Variants in GPSM2 observed in about 807,000 individuals in gnomAD.
GPSM2 encodes the protein G protein-signaling modulator 2.
Under a neutral mutation model 78.4 loss-of-function variants are expected in GPSM2, and 58 were observed. The ratio of observed to expected loss-of-function variants is 0.74; its 90% confidence interval spans 0.60 to 0.92. The LOEUF is 0.92. Ranked by LOEUF, GPSM2 falls within the 40% of genes least tolerant of loss-of-function variation. The pLI, the probability that GPSM2 is intolerant of heterozygous loss-of-function variation, is 0.00. For missense variants in GPSM2, 700 were observed against 815.5 expected (o/e 0.86, Z 1.73); for synonymous variants, 224 against 280.2 (o/e 0.80, Z 2.00).
rs369570814 is a variant in GPSM2, at chr1:108,929,974, C to T, written c.*34C>T. The T allele has an allele frequency of 1.1e-5, 18 of 1,586,466 alleles. No individual in the cohort carries two copies. Among genetic ancestry groups the T allele is most frequent in the African/African-American group, 5.4e-5 (4 of 74,214 alleles). ...GATTTATTTTTTTTCCTTTCAAACA[C>T]GGTAAGGAAACAATCTATTACTTTT... On this transcript the variant is annotated 3_prime_UTR_variant, in exon 15 of 15. Coordinates refer to ENST00000264126, the MANE Select transcript of GPSM2 (RefSeq NM_013296.5).
chr1:108,933,466 G>A lies in GPSM2; in HGVS notation c.*3526G>A, dbSNP rs1652342018. 1 of 150,744 alleles carries A rather than the reference G, an allele frequency of 6.6e-6. No individual in the cohort carries two copies. The highest frequency in any genetic ancestry group is 1.5e-5 in the Non-Finnish European group (1 of 67,908). The allele number at this position is 150,744 out of a possible 1,614,324, so 9.3% of individuals were successfully genotyped here. On this transcript the variant is annotated 3_prime_UTR_variant, in exon 15 of 15. Coordinates refer to ENST00000264126, the MANE Select transcript of GPSM2 (RefSeq NM_013296.5). ...CCTAAAATTACATTGTTACAGGCAC[G>A]TAAGTAACACTTCCTGGATCCAAAA...
In GPSM2 at chr1:108,897,014, C is replaced by T. The variant is rs1648418810; in HGVS notation, c.207C>T (p.Gly69=). The T allele has an allele frequency of 6.2e-7, 1 of 1,613,678 alleles. No individual in the cohort carries two copies. The highest frequency in any genetic ancestry group is 1.7e-5 in the Admixed American group (1 of 60,002). Reference sequence around the variant, plus strand: ...TTAGCGCTATTTACAGCCAGTTGGGCAATGCTTATTTCTATTTGCATGATT... The same window carrying T: ...TTAGCGCTATTTACAGCCAGTTGGGTAATGCTTATTTCTATTTGCATGATT... ...KTLSAIYSQL[G]NAYFYLHDYA... is the part of the protein sequence containing the mutation. The change falls in exon 3 of 15, where the codon GGC becomes GGT. Residue 69 remains glycine, a synonymous_variant. Coordinates refer to ENST00000264126, the MANE Select transcript of GPSM2 (RefSeq NM_013296.5).
rs1206730681 is a variant in GPSM2 at position 108,929,922 on chromosome 1, A to C, written c.2037A>C (p.Lys679Asn). Reference protein sequence around the residue: ...NALLEFKNSGKKSADH With the variant: ...NALLEFKNSGNKSADH ...TGTTGGAGTTTAAAAATTCAGGGAA[A>C]AAATCGGCAGACCATTAGTTACTAT... Residue 679 changes from lysine to asparagine, a missense_variant, in exon 15 of 15, where the codon AAA becomes AAC. Transcript: ENST00000264126. 8.8e-5 allele frequency: 142 copies of C among 1,613,576 alleles called. No individual in the cohort carries two copies. Among genetic ancestry groups the C allele is most frequent in the Non-Finnish European group, 1.2e-4 (139 of 1,179,626 alleles).
intron 11 of GPSM2, among the ~76,000 whole-genome samples, chr1:108,917,335 A>C (rs777634582): frequency 4.0e-5 from 6 of 151,808 alleles, no homozygotes; most frequent in Non-Finnish European, 8.8e-5. Context: ...TGGGAGGCCG[A>C]GGCGGGTGGA....
intron 10 of GPSM2, among the ~76,000 whole-genome samples, chr1:108,905,122 A>G (rs1649116497): frequency 6.6e-6 from 1 of 152,208 alleles, no homozygotes; most frequent in South Asian, 2.1e-4. Flanking sequence ...ATTTAGTGAA[A>G]AGTTCTGAAG....
At chr1:108,897,778 A>T in intron 4 of GPSM2, 151 bp downstream of exon 4, 2 of 939,214 alleles carry the variant, frequency 2.1e-6, no homozygotes, top group Non-Finnish European at 1.6e-6. Flanking sequence ...AAAAAAATTT[A>T]ATGGAGAAAA....
At chr1:108,877,584 A>G (rs1051472199) in intron 1 of GPSM2, 13 of 151,942 alleles carry the variant, frequency 8.6e-5, no homozygotes, top group African/African-American at 3.1e-4. Context: ...TGTGAGTAAC[A>G]AATTGTGAAT....
At chr1:108,914,291 T>C in intron 10 of GPSM2, 47 bp from the exon 11 acceptor site, 1 of 1,268,684 alleles carries the variant, frequency 7.9e-7, no homozygotes, top group South Asian at 1.2e-5. Flanking sequence ...GAACTTGTAC[T>C]CTTAAGGGCT....
At chr1:108,917,595 T>TACACACACACACAC (rs71593443) in intron 11 of GPSM2, among the ~76,000 whole-genome samples, 19 of 57,286 alleles carry the variant, frequency 3.3e-4, no homozygotes, top group African/African-American at 1.0e-3. Flanking sequence ...AACAAATGTA[T>TACACACACACACAC]ACACACACAC....
chr1:108,884,939 T>G (rs1161179886), intron 1 of GPSM2, among the ~76,000 whole-genome samples: 1 of 152,260 alleles, frequency 6.6e-6, no homozygotes, highest in Non-Finnish European at 1.5e-5. Context: ...AATTTTCATT[T>G]GATTTGTTAA....
At chr1:108,900,209 A>T (rs1246800520) in intron 7 of GPSM2, among the ~76,000 whole-genome samples, 1 of 151,860 alleles carries the variant, frequency 6.6e-6, no homozygotes, top group Non-Finnish European at 1.5e-5. Flanking sequence ...GTTGGTTAGA[A>T]ATATTTTTAG....
intron 2 of GPSM2, among the ~76,000 whole-genome samples, chr1:108,889,260 T>A (rs1322300120): frequency 6.6e-6 from 1 of 152,244 alleles, no homozygotes; most frequent in Non-Finnish European, 1.5e-5. Flanking sequence ...CCTACTGCTG[T>A]GTCTGGTTTC....
intron 10 of GPSM2, among the ~76,000 whole-genome samples, chr1:108,908,767 C>T (rs540238101): frequency 5.4e-4 from 61 of 113,944 alleles, no homozygotes; most frequent in African/African-American, 2.6e-3. Context: ...GCCTGTAATC[C>T]CAGCTCTTGG....
Position 108,914,340 on chromosome 1 carries a change from G to C in GPSM2, c.1195G>C (p.Val399Leu), listed in dbSNP as rs895587017. The change falls in exon 11 of 15, where the codon GTA (valine) becomes CTA (leucine). Residue 399 changes from valine to leucine, a missense_variant and splice_region_variant. Physicochemically the swap from Val to Leu is conservative, Grantham distance 32 (BLOSUM62 1). Transcript: ENST00000264126. ...NTEIDSSLNG[V>L]RPKLGRRHSM... Reference sequence around the variant, plus strand: ...GAATTAATTTTTTTTAAACAAAGGTGTACGCCCCAAGTTGGGACGCCGGCA... The same window carrying C: ...GAATTAATTTTTTTTAAACAAAGGTCTACGCCCCAAGTTGGGACGCCGGCA... 6.2e-7 allele frequency: 1 copy of C among 1,606,858 alleles called. No individual in the cohort carries two copies. The highest frequency in any genetic ancestry group is 8.5e-7 in the Non-Finnish European group (1 of 1,173,576).
intron 10 of GPSM2, among the ~76,000 whole-genome samples, chr1:108,908,022 C>A (rs1649382217): frequency 6.6e-6 from 1 of 152,264 alleles, no homozygotes; most frequent in South Asian, 2.1e-4. Flanking sequence ...AACTATGTGT[C>A]TGACCCATTC....
intron 1 of GPSM2, chr1:108,877,675 A>G (rs1665700828): frequency 6.6e-6 from 1 of 152,130 alleles, no homozygotes; most frequent in African/African-American, 2.4e-5. Flanking sequence ...TAAACCAGGC[A>G]GTTTATGGCA....
chr1:108,910,373 A>C (rs977973512), intron 10 of GPSM2, among the ~76,000 whole-genome samples: 1 of 150,656 alleles, frequency 6.6e-6, no homozygotes, highest in African/African-American at 2.4e-5. Flanking sequence ...ACTAATTATA[A>C]TACCTTACAC....
intron 10 of GPSM2, among the ~76,000 whole-genome samples, chr1:108,906,526 CACTT>C (rs1303894715): frequency 2.0e-5 from 3 of 151,432 alleles, no homozygotes; most frequent in Non-Finnish European, 4.4e-5. Flanking sequence ...GCATCTCTCA[CACTT>C]ACTTTTCCAC....
At chr1:108,890,679 A>G (rs1402560716) in intron 2 of GPSM2, among the ~76,000 whole-genome samples, 1 of 152,174 alleles carries the variant, frequency 6.6e-6, no homozygotes, top group African/African-American at 2.4e-5. Context: ...TCCTTATGAA[A>G]TGTTTTATCC....
Sources: allele counts gnomAD v4.1 joint callset (sites outside exome capture counted in the v4.1 genomes callset), GRCh38; gene constraint gnomAD v4.1.1; transcripts MANE v1.5; gene names NCBI Gene and HGNC (gene_info 2026-07-23, HGNC 2026-07-21).